Variants in STX17 observed in about 807,000 individuals in gnomAD.
STX17 encodes syntaxin-17.
A neutral mutation model predicts 35.9 loss-of-function variants in STX17; 29 were observed. That is an observed-to-expected ratio of 0.81 (90% CI 0.60 to 1.10). The LOEUF (loss-of-function observed/expected upper bound fraction) is 1.10. Ranked by LOEUF, STX17 falls within the 50% of genes least tolerant of loss-of-function variation. The pLI, the probability that STX17 is intolerant of heterozygous loss-of-function variation, is 0.00. For missense variants in STX17, 312 were observed against 352.3 expected (o/e 0.89, Z 0.92); for synonymous variants, 92 against 118.3 (o/e 0.78, Z 1.44).
chr9:99,936,841 G>A (rs1358850776), intron 3 of STX17, among the ~76,000 whole-genome samples: 1 of 151,888 alleles, frequency 6.6e-6, no homozygotes, highest in Admixed American at 6.6e-5. Flanking sequence ...TCTTATATAT[G>A]TACTGGTGTC....
chr9:99,939,045 T>C (rs1326491389), intron 3 of STX17, among the ~76,000 whole-genome samples: 1 of 152,120 alleles, frequency 6.6e-6, no homozygotes, highest in Non-Finnish European at 1.5e-5. Flanking sequence ...AGCCATGGAA[T>C]TTGTAGATGT....
At chr9:99,937,472 T>C (rs1218877865) in intron 3 of STX17, among the ~76,000 whole-genome samples, 6 of 152,208 alleles carry the variant, frequency 3.9e-5, no homozygotes, top group Non-Finnish European at 8.8e-5. Flanking sequence ...TTATTTTGGA[T>C]AGTGTCTATT....
intron 4 of STX17, among the ~76,000 whole-genome samples, chr9:99,955,381 ATTT>A (rs953502984): frequency 1.3e-5 from 2 of 151,802 alleles, no homozygotes; most frequent in African/African-American, 2.4e-5. Flanking sequence ...ATTGGTTTTA[ATTT>A]TTTTTAAGTC....
intron 2 of STX17, among the ~76,000 whole-genome samples, chr9:99,916,390 CATTTATTTATTTATTT>C (rs146484577): frequency 7.0e-5 from 10 of 141,924 alleles, no homozygotes; most frequent in African/African-American, 1.3e-4. Flanking sequence ...GCAGAACCTC[CATTTATTTATTTATTT>C]ATTTATTTAT....
In STX17 at chr9:99,928,852, A is replaced by T; in HGVS notation, c.189+9A>T. 1 of 1,611,966 alleles carries T rather than the reference A, an allele frequency of 6.2e-7. No homozygotes were observed. Among genetic ancestry groups the T allele is most frequent in the Non-Finnish European group, 8.5e-7 (1 of 1,178,710 alleles). On this transcript the variant is annotated intron_variant, in intron 3 of 7. Transcript: ENST00000259400. ...CAGGACGTACAGTTCAGGTAAGGCT[A>T]TTATATTTTTTCTGCTAAATCAGTA...
intron 3 of STX17, among the ~76,000 whole-genome samples, chr9:99,945,098 G>A (rs577149198): frequency 3.3e-5 from 5 of 152,098 alleles, no homozygotes; most frequent in East Asian, 3.9e-4. Flanking sequence ...TTGGTATAAT[G>A]TTCTATATAA....
intron 3 of STX17, among the ~76,000 whole-genome samples, chr9:99,935,279 G>A (rs947457393): frequency 7.2e-6 from 1 of 139,740 alleles, no homozygotes; most frequent in Non-Finnish European, 1.5e-5. Context: ...GCAGTGAGCC[G>A]AGATCACACC....
At chr9:99,945,795 G>A (rs1024744054) in intron 3 of STX17, 9 of 365,684 alleles carry the variant, frequency 2.5e-5, no homozygotes, top group Non-Finnish European at 3.8e-5. Flanking sequence ...TAAATGGACA[G>A]TTGCGGCCGG....
intron 3 of STX17, among the ~76,000 whole-genome samples, chr9:99,944,045 A>G (rs773673584): frequency 8.5e-5 from 11 of 129,474 alleles, no homozygotes. Context: ...TCAGTTTGAT[A>G]AGTTATAGTC....
intron 3 of STX17, among the ~76,000 whole-genome samples, chr9:99,948,680 A>G (rs1273991541): frequency 1.3e-5 from 2 of 152,176 alleles, no homozygotes; most frequent in East Asian, 1.9e-4. Context: ...AGTGTTGATT[A>G]AAATTTAGCC....
intron 6 of STX17, among the ~76,000 whole-genome samples, chr9:99,964,005 G>A (rs1290850935): frequency 6.6e-6 from 1 of 152,062 alleles, no homozygotes; most frequent in Non-Finnish European, 1.5e-5. Flanking sequence ...GGAATAAATG[G>A]ACGTACCTGG....
intron 3 of STX17, chr9:99,945,676 T>C: frequency 2.7e-6 from 1 of 364,762 alleles, no homozygotes; most frequent in South Asian, 2.1e-5. Flanking sequence ...TTCTTTTGTA[T>C]TGATCTTGTT....
chr9:99,917,513 G>T (rs988339666), intron 2 of STX17, among the ~76,000 whole-genome samples: 2 of 152,202 alleles, frequency 1.3e-5, no homozygotes, highest in African/African-American at 4.8e-5. Context: ...AAGAAAGTCA[G>T]ACTGAAGGGA....
chr9:99,925,811 T>A (rs1479311770), intron 2 of STX17, among the ~76,000 whole-genome samples: 1 of 152,096 alleles, frequency 6.6e-6, no homozygotes. Flanking sequence ...GTAATTTTAC[T>A]GTAATGTGCA....
chr9:99,968,700 C>T lies in STX17; in HGVS notation c.*27C>T. ...AACCAAATTTCAGTATTATTGGTGC[C>T]AACATGTCTATCCTGAGGACCTTTG... On this transcript the variant is annotated 3_prime_UTR_variant, in exon 8 of 8. Transcript: ENST00000259400. 6.2e-7 allele frequency: 1 copy of T among 1,602,408 alleles called. No individual in the cohort carries two copies. The highest frequency in any genetic ancestry group is 2.2e-5 in the East Asian group (1 of 44,844).
intron 2 of STX17, among the ~76,000 whole-genome samples, chr9:99,926,542 G>A (rs1287575466): frequency 2.0e-5 from 3 of 151,460 alleles, no homozygotes; most frequent in African/African-American, 7.3e-5. Flanking sequence ...CTGTTGCCCA[G>A]GCTGGAGTGC....
Position 99,915,334 on chromosome 9 carries a change from T to C in STX17, c.95T>C (p.Leu32Ser). 1 of 1,609,980 alleles carries C rather than the reference T, an allele frequency of 6.2e-7. No individual in the cohort carries two copies. The highest frequency in any genetic ancestry group is 8.5e-7 in the Non-Finnish European group (1 of 1,178,338). The change falls in exon 2 of 8, where the codon TTA becomes TCA. Residue 32 changes from leucine (L) to serine (S), a missense_variant. Coordinates refer to ENST00000259400, the MANE Select transcript of STX17 (RefSeq NM_017919.3). ...GTAATCCCAACAGACCTGGAAAGGT[T>C]AAGAAAGCACCAGATAAATATTGAG... ...KIVIPTDLER[L>S]RKHQINIEKY...
intron 3 of STX17, among the ~76,000 whole-genome samples, chr9:99,943,611 ATCTC>A (rs1206421751): frequency 6.6e-6 from 1 of 152,048 alleles, no homozygotes; most frequent in South Asian, 2.1e-4. Flanking sequence ...ACCCAGCTGA[ATCTC>A]TATATTTGAA....
intron 4 of STX17, among the ~76,000 whole-genome samples, chr9:99,957,459 C>G (rs1231511993): frequency 6.6e-6 from 1 of 152,088 alleles, no homozygotes; most frequent in South Asian, 2.1e-4. Flanking sequence ...CACCCTAACA[C>G]AATACTCAGT....
Sources: gnomAD v4.1 joint callset for allele counts (sites outside exome capture counted in the v4.1 genomes callset) on GRCh38, gnomAD v4.1.1 for gene constraint, MANE v1.5 for transcripts, NCBI Gene and HGNC (gene_info 2026-07-23, HGNC 2026-07-21) for gene names.